METAP1: variants seen among roughly 807,000 people sequenced by gnomAD.
The protein encoded by METAP1 is methionyl aminopeptidase 1.
Under a neutral mutation model 53.8 loss-of-function variants are expected in METAP1, and 28 were observed. That is an observed-to-expected ratio of 0.52 (90% confidence interval 0.39 to 0.71). The LOEUF (loss-of-function observed/expected upper bound fraction) is 0.71. METAP1 is among the 30% of genes least tolerant of loss of function. METAP1 has a pLI of 0.00. For missense variants in METAP1, 389 were observed against 479.8 expected, an observed-to-expected ratio of 0.81 and a Z score of 1.77; for synonymous variants, 181 against 165.7, an observed-to-expected ratio of 1.09 and a Z score of -0.71.
intron 1 of METAP1, among the ~76,000 whole-genome samples, chr4:99,004,480 CACAT>C (rs1464210913): frequency 0.037 from 575 of 15,650 alleles, 1 homozygote; most frequent in Admixed American, 0.046. Flanking sequence ...CACACACACA[CACAT>C]ACACACACAC....
At position 99,061,653 on chromosome 4, in the gene METAP1, T is replaced by C. The variant is rs529898277; in HGVS notation, c.*336T>C. On this transcript the variant is annotated 3_prime_UTR_variant, in exon 11 of 11. Coordinates refer to ENST00000296411, the MANE Select transcript of METAP1 (RefSeq NM_015143.3). The stretch of plus-strand genomic sequence containing the variant: ...GAGCCATCTGCTTTCCAGGTGAACA[T>C]TGGAAATGAGAATCTTTGAAACTTA... 41 of 183,546 alleles carry C rather than the reference T, an allele frequency of 2.2e-4. No homozygotes were observed. In the South Asian group the frequency reaches 5.2e-3, roughly 23 times the overall value. The allele number at this position is 183,546 out of a possible 1,614,324, so 11.4% of individuals were successfully genotyped here.
At chr4:99,015,921 C>T (rs1365668984) in intron 1 of METAP1, among the ~76,000 whole-genome samples, 4 of 152,192 alleles carry the variant, frequency 2.6e-5, no homozygotes, top group African/African-American at 9.6e-5. Flanking sequence ...TCGGGGACCA[C>T]AATCCAGGAT....
In METAP1 at chr4:99,045,361, A is replaced by G. The variant is rs1049529744; in HGVS notation, c.787+51A>G. On this transcript the variant is annotated intron_variant, in intron 8 of 10. Transcript: ENST00000296411. ...TGGCAGTCCTGTGTGTTGATGGGCC[A>G]AGAATGACTGGGCGCTGCAGTTCTG... 9 of 1,600,686 alleles carry G rather than the reference A, an allele frequency of 5.6e-6. No homozygotes were observed. In the Admixed American group the frequency reaches 8.5e-5, roughly 15 times the overall value.
At chr4:99,017,238 G>A (rs531433979) in intron 1 of METAP1, among the ~76,000 whole-genome samples, 3 of 152,168 alleles carry the variant, frequency 2.0e-5, no homozygotes, top group Non-Finnish European at 4.4e-5. Context: ...TGTTCATCAG[G>A]CCTCTGTCTG....
intron 1 of METAP1, among the ~76,000 whole-genome samples, chr4:99,011,806 G>A (rs1355668453): frequency 6.6e-6 from 1 of 152,158 alleles, no homozygotes; most frequent in Non-Finnish European, 1.5e-5. Context: ...CAGGCGTGGT[G>A]GCATATGCCT....
At chr4:99,013,324 G>GT in intron 1 of METAP1, among the ~76,000 whole-genome samples, 1 of 152,076 alleles carries the variant, frequency 6.6e-6, no homozygotes, top group East Asian at 1.9e-4. Context: ...TTAACTGTCA[G>GT]TTTTTTCTAC....
At position 99,000,707 on chromosome 4, in the gene METAP1, T is replaced by TC. The variant is rs373410784; in HGVS notation, c.114+4840_114+4841insC. Among the ~76,000 whole-genome samples the TC allele has an allele frequency of 3.2e-3, 439 of 137,102 alleles. 2 individuals carry two copies. Among genetic ancestry groups the TC allele is most frequent in the Middle Eastern group, 7.3e-3 (2 of 274 alleles). 89.9% of individuals were successfully genotyped at this position (137,102 alleles called of 152,430 possible). A position where few individuals can be genotyped will look rare whatever the true frequency, so the allele number is the denominator to read the frequency against. On this transcript the variant is annotated intron_variant, in intron 1 of 10. Transcript: ENST00000296411. ...AGACAGTTTTTCTTCTCTCTCTCTC[T>TC]TTTTTTTTTTTTGAGTTGGGATCTT...
At chr4:99,026,135 T>C in intron 1 of METAP1, 1 of 681,062 alleles carries the variant, frequency 1.5e-6, no homozygotes, top group Non-Finnish European at 1.8e-6. Flanking sequence ...CACTGGTGCA[T>C]CCTTAACTTT....
chr4:99,048,156 G>T (rs537170305), intron 8 of METAP1, among the ~76,000 whole-genome samples: 1 of 152,220 alleles, frequency 6.6e-6, no homozygotes, highest in African/African-American at 2.4e-5. Context: ...TTTCTCTGTT[G>T]TTAAAGAAAG....
At chr4:99,045,396 T>G in intron 8 of METAP1, 86 bp downstream of exon 8, 1 of 1,467,696 alleles carries the variant, frequency 6.8e-7, no homozygotes. Context: ...GTGCATTCCT[T>G]GTACCTTCCA....
At chr4:99,007,940 C>A (rs1038512836) in intron 1 of METAP1, among the ~76,000 whole-genome samples, 1 of 152,168 alleles carries the variant, frequency 6.6e-6, no homozygotes, top group Non-Finnish European at 1.5e-5. Context: ...AAATCTACAT[C>A]TGAGTGCTAG....
In METAP1 at chr4:99,061,203, A is replaced by G. The variant is rs1469457918; in HGVS notation, c.1047A>G (p.Arg349=). Residue 349 remains arginine, a synonymous_variant, in exon 11 of 11, where the codon AGA becomes AGG. Coordinates refer to ENST00000296411, the MANE Select transcript of METAP1 (RefSeq NM_015143.3). ...TWPDGWTAVT[R]DGKRSAQFEH... ...CAGATGGTTGGACTGCGGTGACAAGAGACGGAAAGCGGTCTGCTCAGTTTG... is the reference window on the plus strand; with the variant it reads ...CAGATGGTTGGACTGCGGTGACAAGGGACGGAAAGCGGTCTGCTCAGTTTG... 2 of 1,613,992 alleles carry G rather than the reference A, an allele frequency of 1.2e-6. No homozygotes were observed. Among genetic ancestry groups the G allele is most frequent in the Admixed American group, 3.3e-5 (2 of 60,024 alleles).
intron 1 of METAP1, among the ~76,000 whole-genome samples, chr4:98,999,399 A>G (rs969354956): frequency 4.0e-5 from 6 of 151,746 alleles, no homozygotes; most frequent in African/African-American, 1.5e-4. Context: ...ACTAAATCCA[A>G]AGTATGTAAA....
intron 9 of METAP1, among the ~76,000 whole-genome samples, chr4:99,055,337 G>GC (rs1326135356): frequency 6.7e-6 from 1 of 149,736 alleles, no homozygotes; most frequent in Non-Finnish European, 1.5e-5. Flanking sequence ...GTTGCAGTGA[G>GC]CCGAGATCGT....
intron 2 of METAP1, among the ~76,000 whole-genome samples, chr4:99,032,709 T>G (rs1412766357): frequency 8.5e-5 from 13 of 152,142 alleles, no homozygotes; most frequent in Non-Finnish European, 1.6e-4. Context: ...ATTCTTGAGG[T>G]TCATGTTTCA....
intron 1 of METAP1, among the ~76,000 whole-genome samples, chr4:99,012,652 G>GTTTT (rs78437310): frequency 1.7e-4 from 15 of 90,358 alleles, no homozygotes; most frequent in African/African-American, 4.1e-4. Flanking sequence ...ATCCCATAAA[G>GTTTT]TTTTTTTTTT....
Position 99,019,738 on chromosome 4 carries a change from A to G in METAP1, c.115-9129A>G, listed in dbSNP as rs559051670. Among the ~76,000 whole-genome samples, 8 of 152,174 alleles carry G rather than the reference A, an allele frequency of 5.3e-5. No individual in the cohort carries two copies. In the South Asian group the frequency reaches 6.2e-4, roughly 12 times the overall value. On this transcript the variant is annotated intron_variant, in intron 1 of 10. Transcript: ENST00000296411. ...CTCTGCTGCTGCTAAAAGTTCTTCA[A>G]TTGACTGATTTTTCCACCTCTCTAT...
chr4:99,047,822 T>G (rs941322332), intron 8 of METAP1, among the ~76,000 whole-genome samples: 7 of 152,140 alleles, frequency 4.6e-5, no homozygotes, highest in African/African-American at 1.4e-4. Context: ...GTTTTGTGTT[T>G]TATTGAAACA....
chr4:99,037,136 A>G, intron 4 of METAP1, among the ~76,000 whole-genome samples: 1 of 151,766 alleles, frequency 6.6e-6, no homozygotes, highest in Non-Finnish European at 1.5e-5. Context: ...ATGTTTATTC[A>G]TATCCTTAGC....
Sources: allele counts gnomAD v4.1 joint callset (sites outside exome capture counted in the v4.1 genomes callset), GRCh38; gene constraint gnomAD v4.1.1; transcripts MANE v1.5; gene names NCBI Gene and HGNC (gene_info 2026-07-23, HGNC 2026-07-21).